The following EIF4G3 variants were observed in gnomAD, a reference collection of about 807,000 sequenced individuals.
The protein encoded by EIF4G3 is eIF-4-gamma 3.
A neutral mutation model predicts 186.4 loss-of-function variants in EIF4G3; 34 were observed. The observed-to-expected ratio is 0.18, with a 90% confidence interval of 0.14 to 0.24. The LOEUF is 0.24. EIF4G3 is among the 10% of genes least tolerant of loss of function. EIF4G3 has a pLI of 1.00. For missense variants in EIF4G3, 1,536 were observed against 1,948.5 expected, an observed-to-expected ratio of 0.79 and a Z score of 3.99; for synonymous variants, 673 against 679.5, an observed-to-expected ratio of 0.99 and a Z score of 0.15.
chr1:21,013,233 C>A (rs912683577), intron 4 of EIF4G3, among the ~76,000 whole-genome samples: 4 of 151,920 alleles, frequency 2.6e-5, no homozygotes, highest in African/African-American at 4.8e-5. Context: ...TAAGAATCTG[C>A]GGCAGCCAAC....
At chr1:21,028,252 A>G (rs954218864) in intron 4 of EIF4G3, among the ~76,000 whole-genome samples, 1 of 152,246 alleles carries the variant, frequency 6.6e-6, no homozygotes, top group African/African-American at 2.4e-5. Context: ...CTTAAAATGT[A>G]CACTTAAAAA....
chr1:20,849,030 C>G (rs1249613754), intron 29 of EIF4G3, among the ~76,000 whole-genome samples: 7 of 108,002 alleles, frequency 6.5e-5, no homozygotes, highest in Admixed American at 1.4e-4. Flanking sequence ...CTGGGCAACA[C>G]AGCAAGACTC....
intron 12 of EIF4G3, among the ~76,000 whole-genome samples, chr1:20,967,142 G>T (rs1049361650): frequency 6.6e-6 from 1 of 152,184 alleles, no homozygotes; most frequent in Admixed American, 6.5e-5. Context: ...AACACAGAGG[G>T]ATACCAGAAG....
intron 12 of EIF4G3, among the ~76,000 whole-genome samples, chr1:20,966,476 T>A (rs2074689696): frequency 7.7e-6 from 1 of 129,404 alleles, no homozygotes; most frequent in African/African-American, 2.8e-5. Flanking sequence ...TGGGTCAACA[T>A]TTTTTTTTTT....
At position 20,840,221 on chromosome 1, in the gene EIF4G3, T is replaced by C. The variant is rs1268638158; in HGVS notation, c.4061+635A>G. ...GCTGAACCACAAGGAACCTGATCCATGTACTTGTGATGATGGTATATCACA... is the reference window on the plus strand; with the variant it reads ...GCTGAACCACAAGGAACCTGATCCACGTACTTGTGATGATGGTATATCACA... On this transcript the variant is annotated intron_variant, in intron 30 of 36. Transcript: ENST00000602326. 3.3e-5 allele frequency among the ~76,000 whole-genome samples: 5 copies of C among 152,254 alleles called. No homozygotes were observed. In the East Asian group the frequency reaches 7.7e-4, roughly 23 times the overall value.
At chr1:21,093,404 T>C (rs1421116530) in intron 2 of EIF4G3, among the ~76,000 whole-genome samples, 1 of 152,118 alleles carries the variant, frequency 6.6e-6, no homozygotes, top group East Asian at 1.9e-4. Flanking sequence ...CAATGAGATA[T>C]TATCTCACAC....
chr1:20,972,865 T>C, intron 11 of EIF4G3, 137 bp downstream of exon 11: 2 of 618,566 alleles, frequency 3.2e-6, no homozygotes, highest in Non-Finnish European at 5.3e-6. Context: ...GGTGAAGTGG[T>C]GTGACTATAA....
rs994566106 is a variant in EIF4G3 at position 20,992,965 on chromosome 1, T to C, written c.177+4636A>G. On this transcript the variant is annotated intron_variant, in intron 7 of 36. Transcript: ENST00000602326. ...TTTCAGTTTCTAATTACCTTGGGAT[T>C]TTCAAGCATCAGTGCAAAAATAGTT... 2.6e-5 allele frequency among the ~76,000 whole-genome samples: 4 copies of C among 152,340 alleles called. No individual in the cohort carries two copies. In the East Asian group the frequency reaches 7.7e-4, roughly 29 times the overall value.
intron 2 of EIF4G3, among the ~76,000 whole-genome samples, chr1:21,114,818 T>C (rs1051359777): frequency 3.3e-5 from 5 of 152,220 alleles, no homozygotes; most frequent in Non-Finnish European, 7.3e-5. Context: ...TCAATCGTTA[T>C]TATTAGCTCG....
At chr1:20,972,573 G>C (rs1276916677) in intron 11 of EIF4G3, among the ~76,000 whole-genome samples, 2 of 152,010 alleles carry the variant, frequency 1.3e-5, no homozygotes, top group African/African-American at 4.8e-5. Flanking sequence ...AGCAGAGGGT[G>C]CAGTTCAGCT....
intron 20 of EIF4G3, among the ~76,000 whole-genome samples, chr1:20,867,749 TAA>T (rs1433348462): frequency 6.6e-6 from 1 of 152,054 alleles, no homozygotes; most frequent in Non-Finnish European, 1.5e-5. Context: ...CACTAAGCAA[TAA>T]AGAGAAAATC....
At chr1:20,827,748 TC>T in intron 31 of EIF4G3, 50 bp from the exon 32 acceptor site, 3 of 1,320,016 alleles carry the variant, frequency 2.3e-6, no homozygotes, top group Non-Finnish European at 3.3e-6. Flanking sequence ...AATCCTTTCT[TC>T]TAGAACAAGA....
At position 20,949,915 on chromosome 1, in the gene EIF4G3, C is replaced by CTGTA. The variant is rs1323868423; in HGVS notation, c.823+84_823+87dup. 8.2e-6 allele frequency: 9 copies of CTGTA among 1,102,460 alleles called. No individual in the cohort carries two copies. The East Asian group carries it at 2.0e-4, about 25-fold the overall frequency. 68.3% of individuals were successfully genotyped at this position (1,102,460 alleles called of 1,614,324 possible). A position where few individuals can be genotyped will look rare whatever the true frequency, so the allele number is the denominator to read the frequency against. On this transcript the variant is annotated intron_variant, in intron 13 of 36. Coordinates refer to ENST00000602326, the MANE Select transcript of EIF4G3 (RefSeq NM_001391906.1). ...TGGGTGTCTAAATAATCCTTGGATG[C>CTGTA]TGTACTCTTACTCTTGAATGCTGAC...
intron 34 of EIF4G3, among the ~76,000 whole-genome samples, chr1:20,814,789 C>T (rs1418037616): frequency 2.8e-4 from 30 of 106,266 alleles, no homozygotes; most frequent in Non-Finnish European, 3.8e-4. Flanking sequence ...CTCCCCCTCT[C>T]CCTCTCCCCA....
At chr1:21,025,170 A>T (rs1025736694) in intron 4 of EIF4G3, among the ~76,000 whole-genome samples, 2 of 152,188 alleles carry the variant, frequency 1.3e-5, no homozygotes, top group Non-Finnish European at 2.9e-5. Context: ...AATGCCAGAG[A>T]ATAGAAGTGC....
At chr1:21,046,444 G>T (rs1571620734) in intron 4 of EIF4G3, among the ~76,000 whole-genome samples, 1 of 152,330 alleles carries the variant, frequency 6.6e-6, no homozygotes, top group East Asian at 1.9e-4. Context: ...CAGGTAATGA[G>T]ATTGCAGAGG....
At chr1:21,070,496 TC>T (rs1264109901) in intron 3 of EIF4G3, among the ~76,000 whole-genome samples, 2 of 152,202 alleles carry the variant, frequency 1.3e-5, no homozygotes, top group Non-Finnish European at 2.9e-5. Context: ...TAGAGATCTT[TC>T]CAAGTCAATA....
At chr1:20,991,941 T>C (rs745475261) in intron 7 of EIF4G3, among the ~76,000 whole-genome samples, 12 of 152,204 alleles carry the variant, frequency 7.9e-5, no homozygotes, top group Admixed American at 2.6e-4. Flanking sequence ...ACCACACCCA[T>C]AGGAAATATA....
chr1:21,150,699 G>A (rs146512508), intron 2 of EIF4G3, among the ~76,000 whole-genome samples: 10 of 152,292 alleles, frequency 6.6e-5, no homozygotes, highest in African/African-American at 1.9e-4. Context: ...ATAACTGGCC[G>A]GGTGCGGTGG....
Sources: gnomAD v4.1 joint callset for allele counts (sites outside exome capture counted in the v4.1 genomes callset) on GRCh38, gnomAD v4.1.1 for gene constraint, MANE v1.5 for transcripts, NCBI Gene and HGNC (gene_info 2026-07-23, HGNC 2026-07-21) for gene names.